Variants in TACC2 observed in about 807,000 individuals in gnomAD.
TACC2 encodes transforming acidic coiled-coil containing protein 2.
TACC2 carries 137 observed loss-of-function variants against 227.3 expected under a neutral mutation model. The observed-to-expected ratio is 0.60, with a 90% CI of 0.52 to 0.69. The LOEUF is 0.69. TACC2 is among the 30% of genes least tolerant of loss of function. TACC2 has a pLI of 0.00. For synonymous variants in TACC2, 1,523 were observed against 1,487.5 expected, an observed-to-expected ratio of 1.02 and a Z score of -0.55; for missense variants, 3,470 against 3,694.4, an observed-to-expected ratio of 0.94 and a Z score of 1.57.
At chr10:122,076,283 G>A (rs1485805474) in intron 3 of TACC2, among the ~76,000 whole-genome samples, 1 of 152,160 alleles carries the variant, frequency 6.6e-6, no homozygotes, top group Non-Finnish European at 1.5e-5. Context: ...TGATAACCCA[G>A]TAATCCATGA....
At chr10:122,226,724 C>A (rs2141352763) in intron 13 of TACC2, among the ~76,000 whole-genome samples, 1 of 152,218 alleles carries the variant, frequency 6.6e-6, no homozygotes, top group Admixed American at 6.5e-5. Flanking sequence ...TAGGCATGAG[C>A]CACAATACCT....
At chr10:122,065,119 A>C (rs2077245487) in intron 3 of TACC2, among the ~76,000 whole-genome samples, 1 of 152,198 alleles carries the variant, frequency 6.6e-6, no homozygotes, top group Admixed American at 6.5e-5. Flanking sequence ...AAAGGGCAGA[A>C]CATAAAATTT....
intron 1 of TACC2, among the ~76,000 whole-genome samples, chr10:122,020,652 G>A (rs574033204): frequency 6.6e-6 from 1 of 152,268 alleles, no homozygotes; most frequent in Non-Finnish European, 1.5e-5. Flanking sequence ...TGGAGTTTGA[G>A]GTTTATTTCC....
At position 122,050,901 on chromosome 10, in the gene TACC2, A is replaced by C; in HGVS notation, c.146+351A>C. 4.6e-6 allele frequency: 1 copy of C among 217,742 alleles called. No individual in the cohort carries two copies. The highest frequency in any genetic ancestry group is 9.1e-6 in the Non-Finnish European group (1 of 109,724). The allele number at this position is 217,742 out of a possible 1,614,324, so 13.5% of individuals were successfully genotyped here. On this transcript the variant is annotated intron_variant, in intron 3 of 22. Coordinates refer to ENST00000369005, the MANE Select transcript of TACC2 (RefSeq NM_206862.4). This position sits in a 1 kb window ranked among gnomAD's most constrained non-coding sequence, Gnocchi z 4.6. ...AATCCGTGGCTAAGTGGAGTCTGTA[A>C]CTCAGTGTGGTGGCCATTGCGGGCA...
chr10:122,152,885 G>A (rs1350549645), intron 7 of TACC2, among the ~76,000 whole-genome samples: 4 of 152,242 alleles, frequency 2.6e-5, no homozygotes, highest in Non-Finnish European at 4.4e-5. Context: ...TCTCCCTGGA[G>A]CATCACAGAG....
At chr10:122,069,818 T>G (rs1389672131) in intron 3 of TACC2, among the ~76,000 whole-genome samples, 1 of 152,152 alleles carries the variant, frequency 6.6e-6, no homozygotes, top group Non-Finnish European at 1.5e-5. Flanking sequence ...GCGGGCAAAG[T>G]TGTTTCTCTT....
At chr10:122,129,048 C>G (rs2087461159) in intron 5 of TACC2, among the ~76,000 whole-genome samples, 1 of 128,136 alleles carries the variant, frequency 7.8e-6, no homozygotes, top group African/African-American at 2.7e-5. Flanking sequence ...ACATGAAGAT[C>G]TATCTTATTT....
At chr10:122,121,076 T>G (rs2085685737) in intron 5 of TACC2, among the ~76,000 whole-genome samples, 1 of 152,100 alleles carries the variant, frequency 6.6e-6, no homozygotes, top group Admixed American at 6.5e-5. Flanking sequence ...TCATTCTTAA[T>G]CCACACCCCA....
chr10:122,133,930 GA>G (rs2088950830), intron 6 of TACC2, among the ~76,000 whole-genome samples: 1 of 152,210 alleles, frequency 6.6e-6, no homozygotes, highest in Non-Finnish European at 1.5e-5. Context: ...TGAACCAGAT[GA>G]GGGGGGGACA....
At chr10:122,092,824 T>C (rs1367480797) in intron 5 of TACC2, among the ~76,000 whole-genome samples, 3 of 152,224 alleles carry the variant, frequency 2.0e-5, no homozygotes, top group Non-Finnish European at 4.4e-5. Context: ...TGGCTGTGCA[T>C]TTCTGTACAT....
chr10:122,129,009 A>G (rs1398070752), intron 5 of TACC2, among the ~76,000 whole-genome samples: 1 of 151,194 alleles, frequency 6.6e-6, no homozygotes, highest in Non-Finnish European at 1.5e-5. Flanking sequence ...CCTATGTTCA[A>G]TTAATAATGG....
intron 2 of TACC2, among the ~76,000 whole-genome samples, chr10:122,035,082 T>C (rs1959830230): frequency 6.6e-6 from 1 of 152,154 alleles, no homozygotes; most frequent in Non-Finnish European, 1.5e-5. Context: ...CAAGAAGCCA[T>C]CTTGGGGGAT....
intron 5 of TACC2, among the ~76,000 whole-genome samples, chr10:122,113,795 C>T (rs950362716): frequency 2.6e-5 from 4 of 152,240 alleles, no homozygotes; most frequent in African/African-American, 9.6e-5. Context: ...GAGCGCACTT[C>T]GGGGATCCGG....
chr10:122,026,531 C>T (rs1958046175), intron 2 of TACC2, among the ~76,000 whole-genome samples: 2 of 151,678 alleles, frequency 1.3e-5, no homozygotes, highest in Admixed American at 1.3e-4. Flanking sequence ...GTGTGAGGTA[C>T]ACGATTTAGG....
At chr10:122,047,147 G>A (rs2075097292) in intron 2 of TACC2, among the ~76,000 whole-genome samples, 1 of 151,562 alleles carries the variant, frequency 6.6e-6, no homozygotes, top group African/African-American at 2.4e-5. Context: ...AAATTAGCCG[G>A]GTGTGGTGGT....
chr10:122,040,706 C>T (rs2074145759), intron 2 of TACC2, among the ~76,000 whole-genome samples: 1 of 152,152 alleles, frequency 6.6e-6, no homozygotes. Context: ...TCAGTAACTC[C>T]ATTCTAACAC....
intron 19 of TACC2, 33 bp downstream of exon 19, chr10:122,242,034 GC>G: frequency 1.2e-6 from 2 of 1,605,114 alleles, no homozygotes; most frequent in Non-Finnish European, 1.7e-6. Flanking sequence ...GCTCAGGCCG[GC>G]CCCGATGTTT....
At position 122,086,165 on chromosome 10, in the gene TACC2, T is replaced by G. The variant is rs757115668; in HGVS notation, c.3665T>G (p.Leu1222Arg). The change falls in exon 4 of 23, where the codon CTC becomes CGC. Residue 1222 changes from leucine (L) to arginine (R), a missense_variant. Physicochemically the swap from Leu to Arg is moderately radical, Grantham distance 102. Around this residue, in one of 10 missense-constraint regions of TACC2, gnomAD observed 1,924 missense variants for 1,978.3 expected, o/e 0.97. Coordinates refer to ENST00000369005, the MANE Select transcript of TACC2 (RefSeq NM_206862.4). ...THQAVPDPKE[L>R]LLSGPPEVAA... is the part of the protein sequence containing the mutation. ...CAGGCTGTCCCAGACCCAAAGGAGC[T>G]CCTGCTGTCTGGGCCACCAGAAGTG... 54 of 1,613,574 alleles carry G rather than the reference T, an allele frequency of 3.3e-5. No individual in the cohort carries two copies. Among genetic ancestry groups the G allele is most frequent in the Non-Finnish European group, 4.6e-5 (54 of 1,179,988 alleles).
At chr10:122,005,382 C>CTTTTTTTT (rs1250192833) in intron 1 of TACC2, among the ~76,000 whole-genome samples, 1 of 119,198 alleles carries the variant, frequency 8.4e-6, no homozygotes, top group Non-Finnish European at 1.7e-5. Context: ...CCACGCCCAG[C>CTTTTTTTT]TTTTTTTTTT....
Sources: gnomAD v4.1 joint callset for allele counts (sites outside exome capture counted in the v4.1 genomes callset) on GRCh38, gnomAD v4.1.1 for gene constraint, gnomAD v4.1.1 regional missense constraint, Gnocchi (gnomAD v3.1) non-coding constraint, MANE v1.5 for transcripts, NCBI Gene and HGNC (gene_info 2026-07-23, HGNC 2026-07-21) for gene names.